Variants in XIRP2 observed in about 807,000 individuals in gnomAD.
XIRP2 encodes xin actin binding repeat containing 2, also known as xin actin-binding repeat-containing protein 2.
In XIRP2, 236 loss-of-function variants were observed where a neutral mutation model predicts 277.0. The observed-to-expected ratio is 0.85, with a 90% CI of 0.77 to 0.95. The LOEUF (loss-of-function observed/expected upper bound fraction) is 0.95. Among genes scored for constraint, XIRP2 ranks in the 40% least tolerant of loss-of-function variants. The pLI is 0.00. For synonymous variants in XIRP2, 1,490 were observed against 1,416.5 expected (o/e 1.05, Z -1.17); for missense variants, 4,640 against 4,157.5 (o/e 1.12, Z -3.19).
intron 3 of XIRP2, among the ~76,000 whole-genome samples, chr2:167,185,286 T>C (rs552940644): frequency 7.2e-5 from 11 of 152,168 alleles, no homozygotes; most frequent in Non-Finnish European, 1.6e-4. Flanking sequence ...TATACAGTGT[T>C]CCACCAAGGT....
chr2:167,239,740 A>G, intron 5 of XIRP2, 115 bp from the exon 6 acceptor site: 5 of 854,974 alleles, frequency 5.8e-6, no homozygotes, highest in Non-Finnish European at 9.1e-6. Flanking sequence ...CAAGAAAACT[A>G]ATATACTAAA....
intron 2 of XIRP2, among the ~76,000 whole-genome samples, chr2:167,099,602 C>T (rs1036911298): frequency 1.3e-5 from 2 of 151,998 alleles, no homozygotes; most frequent in African/African-American, 4.8e-5. Flanking sequence ...AACAGCTGCC[C>T]AATTTTGTGC....
chr2:167,229,941 G>T (rs111426264), intron 5 of XIRP2, among the ~76,000 whole-genome samples: 6 of 152,086 alleles, frequency 3.9e-5, no homozygotes, highest in African/African-American at 1.4e-4. Flanking sequence ...TTGCTCCTGG[G>T]TATCTACTTA....
intron 2 of XIRP2, among the ~76,000 whole-genome samples, chr2:166,967,169 TAGTAAAGAAAAC>T (rs2105415149): frequency 6.6e-6 from 1 of 151,940 alleles, no homozygotes; most frequent in East Asian, 2.0e-4. Flanking sequence ...TTTACCACCA[TAGTAAAGAAAAC>T]ACTACAAATA....
At chr2:166,891,818 T>A (rs930780558) in intron 1 of XIRP2, among the ~76,000 whole-genome samples, 1 of 152,180 alleles carries the variant, frequency 6.6e-6, no homozygotes, top group African/African-American at 2.4e-5. Context: ...AACATAATCC[T>A]TGGGATTCTT....
At chr2:167,041,958 T>C (rs116415682) in intron 2 of XIRP2, among the ~76,000 whole-genome samples, 2,620 of 152,068 alleles carry the variant, frequency 0.017, 30 homozygotes, top group African/African-American at 0.028. Flanking sequence ...ATGTCACATA[T>C]AAAGGGAACC....
intron 5 of XIRP2, among the ~76,000 whole-genome samples, chr2:167,236,898 T>C (rs755633660): frequency 6.6e-6 from 1 of 152,136 alleles, no homozygotes; most frequent in Non-Finnish European, 1.5e-5. Flanking sequence ...CTATACTCTA[T>C]AGACACCAAC....
At chr2:167,210,115 A>G (rs1693979887) in intron 3 of XIRP2, among the ~76,000 whole-genome samples, 1 of 152,202 alleles carries the variant, frequency 6.6e-6, no homozygotes, top group Non-Finnish European at 1.5e-5. Flanking sequence ...CTTATGTAAT[A>G]CATGCCCCTA....
intron 3 of XIRP2, among the ~76,000 whole-genome samples, chr2:167,160,256 A>G (rs1161818037): frequency 6.6e-6 from 1 of 152,212 alleles, no homozygotes; most frequent in Non-Finnish European, 1.5e-5. Context: ...AGCTTAAAGA[A>G]AAGTTTTAAA....
At chr2:167,195,440 A>T (rs1006835054) in intron 3 of XIRP2, among the ~76,000 whole-genome samples, 7 of 152,106 alleles carry the variant, frequency 4.6e-5, no homozygotes, top group Non-Finnish European at 7.3e-5. Context: ...CTTTCTTTTC[A>T]ACTGAAACTG....
intron 2 of XIRP2, among the ~76,000 whole-genome samples, chr2:166,916,799 A>T (rs1658730172): frequency 1.3e-5 from 2 of 152,292 alleles, no homozygotes; most frequent in Non-Finnish European, 2.9e-5. Context: ...ACCTTGGCTC[A>T]GCAACTTTCT....
In XIRP2 at chr2:167,113,708, T is replaced by C. The variant is rs150919273; in HGVS notation, c.409-22201T>C. Among the ~76,000 whole-genome samples, 203 of 152,276 alleles carry C rather than the reference T, an allele frequency of 1.3e-3. 7 individuals are homozygous for C. The East Asian group carries it at 0.034, about 25-fold the overall frequency. On this transcript the variant is annotated intron_variant, in intron 2 of 10. Coordinates refer to ENST00000409195, the MANE Select transcript of XIRP2 (RefSeq NM_152381.6). ...TTGTTAGCTGGTTATTATGCAGACT[T>C]GTTTGTGTGGTTATTTTATAGTATC...
chr2:167,221,292 C>T (rs1027562707), intron 5 of XIRP2, among the ~76,000 whole-genome samples: 48 of 151,558 alleles, frequency 3.2e-4, no homozygotes, highest in Admixed American at 2.6e-4. Context: ...TGGAGAAACC[C>T]CATCTCTACT....
chr2:166,921,459 C>T (rs1685038035), intron 2 of XIRP2, among the ~76,000 whole-genome samples: 1 of 151,982 alleles, frequency 6.6e-6, no homozygotes, highest in Admixed American at 6.6e-5. Context: ...ATCATTTGTC[C>T]CTCTGCTGGG....
chr2:167,130,029 G>A (rs1008308818), intron 2 of XIRP2, among the ~76,000 whole-genome samples: 5 of 151,824 alleles, frequency 3.3e-5, no homozygotes, highest in East Asian at 1.9e-4. Context: ...TTATTTAAGC[G>A]AGAGACTCCA....
chr2:167,228,735 A>G (rs1332311790), intron 5 of XIRP2, among the ~76,000 whole-genome samples: 1 of 152,054 alleles, frequency 6.6e-6, no homozygotes, highest in Admixed American at 6.6e-5. Context: ...AAAAATCATC[A>G]TTGGTTTCTT....
chr2:167,135,904 A>T lies in XIRP2; in HGVS notation c.409-5A>T. ...AACATACAACCCTTTAATGTCTTGT[A>T]ACAGGAAGTGGAAATTGAGCGAAGT... On this transcript the variant is annotated splice_polypyrimidine_tract_variant and splice_region_variant and intron_variant, in intron 2 of 10. Coordinates refer to ENST00000409195, the MANE Select transcript of XIRP2 (RefSeq NM_152381.6). 2.5e-6 allele frequency: 4 copies of T among 1,595,912 alleles called. No homozygotes were observed. The highest frequency in any genetic ancestry group is 3.4e-6 in the Non-Finnish European group (4 of 1,171,972).
intron 2 of XIRP2, among the ~76,000 whole-genome samples, chr2:166,934,207 A>C (rs11696074): frequency 0.016 from 2,403 of 150,866 alleles, 42 homozygotes; most frequent in Non-Finnish European, 0.026. Context: ...AAAAAAAAAA[A>C]AAAAAAACAA....
chr2:166,958,272 A>G (rs143435039), intron 2 of XIRP2, among the ~76,000 whole-genome samples: 4 of 151,972 alleles, frequency 2.6e-5, no homozygotes, highest in African/African-American at 9.6e-5. Flanking sequence ...AGTAAATTAG[A>G]TATTTATGCA....
Sources: gnomAD v4.1 joint callset for allele counts (sites outside exome capture counted in the v4.1 genomes callset) on GRCh38, gnomAD v4.1.1 for gene constraint, MANE v1.5 for transcripts, NCBI Gene and HGNC (gene_info 2026-07-23, HGNC 2026-07-21) for gene names.